Variants in GABRA5 observed in about 807,000 individuals in gnomAD.
GABRA5 encodes the protein gamma-aminobutyric acid type A receptor subunit alpha5, also known as gamma-aminobutyric acid receptor subunit alpha-5.
Under a neutral mutation model 47.3 loss-of-function variants are expected in GABRA5, and 18 were observed. That is an observed-to-expected ratio of 0.38 (90% CI 0.26 to 0.56). The LOEUF (loss-of-function observed/expected upper bound fraction) is 0.56, where lower values mean the gene tolerates loss of function less well. Ranked by LOEUF, GABRA5 falls within the 20% of genes least tolerant of loss-of-function variation. The pLI, the probability that GABRA5 is intolerant of heterozygous loss-of-function variation, is 0.71. For missense variants in GABRA5, 365 were observed against 599.3 expected, an observed-to-expected ratio of 0.61 and a Z score of 4.08; for synonymous variants, 237 against 229.3, an observed-to-expected ratio of 1.03 and a Z score of -0.30.
intron 6 of GABRA5, among the ~76,000 whole-genome samples, chr15:26,890,358 A>T (rs189783850): frequency 1.1e-4 from 17 of 151,746 alleles, no homozygotes; most frequent in African/African-American, 3.9e-4. Flanking sequence ...GCTACATGAG[A>T]TCCAATTAGC....
At chr15:26,926,856 G>A (rs1028540053) in intron 7 of GABRA5, among the ~76,000 whole-genome samples, 4 of 152,100 alleles carry the variant, frequency 2.6e-5, no homozygotes, top group Admixed American at 6.6e-5. Flanking sequence ...GTAAGTTTTG[G>A]TAAAGAAAAC....
chr15:26,893,327 TTG>T (rs982539251), intron 6 of GABRA5, among the ~76,000 whole-genome samples: 8 of 4,916 alleles, frequency 1.6e-3, no homozygotes, highest in African/African-American at 7.3e-3. Flanking sequence ...ATATGGCGTG[TTG>T]TGTGTCTATG....
chr15:26,890,717 G>C (rs1031031768), intron 6 of GABRA5, among the ~76,000 whole-genome samples: 9 of 152,156 alleles, frequency 5.9e-5, no homozygotes, highest in Admixed American at 2.0e-4. Flanking sequence ...GGACATATAT[G>C]TCTCAATCAT....
intron 6 of GABRA5, among the ~76,000 whole-genome samples, chr15:26,913,565 A>G (rs1893649839): frequency 6.6e-6 from 1 of 152,236 alleles, no homozygotes; most frequent in African/African-American, 2.4e-5. Flanking sequence ...GGAATGAACA[A>G]TAGCACTACT....
At chr15:26,877,946 T>C (rs542210487) in intron 3 of GABRA5, among the ~76,000 whole-genome samples, 3 of 152,340 alleles carry the variant, frequency 2.0e-5, no homozygotes, top group African/African-American at 7.2e-5. Flanking sequence ...AGCCTTTATT[T>C]GTCCTTGAAG....
At chr15:26,944,214 C>T (rs1894457444) in intron 10 of GABRA5, among the ~76,000 whole-genome samples, 5 of 152,208 alleles carry the variant, frequency 3.3e-5, no homozygotes, top group Non-Finnish European at 2.9e-5. Flanking sequence ...TAAGTCCGAC[C>T]TCCCAGCCAA....
chr15:26,921,125 G>A lies in GABRA5; in HGVS notation c.580+6240G>A, dbSNP rs1189053946. ...ATAATATCTTTTGTTTTGGTGCCAG[G>A]GTAATCCTGGCTTCATAAAGTGGGA... On this transcript the variant is annotated intron_variant, in intron 7 of 10. Coordinates refer to ENST00000335625, the MANE Select transcript of GABRA5 (RefSeq NM_000810.4). Among the ~76,000 whole-genome samples, 6 of 151,828 alleles carry A rather than the reference G, an allele frequency of 4.0e-5. No individual in the cohort carries two copies. In the East Asian group the frequency reaches 5.8e-4, roughly 15 times the overall value.
At chr15:26,915,979 C>T (rs35005626) in intron 7 of GABRA5, among the ~76,000 whole-genome samples, 74,712 of 152,000 alleles carry the variant, frequency 0.49, 19,305 homozygotes, top group African/African-American at 0.64. Flanking sequence ...ATATTTATAG[C>T]TTCTTGACAG....
intron 9 of GABRA5, among the ~76,000 whole-genome samples, chr15:26,940,281 C>A (rs1894353915): frequency 6.6e-6 from 1 of 152,166 alleles, no homozygotes; most frequent in Admixed American, 6.5e-5. Context: ...TAAGGAATAT[C>A]ACATGGTCTA....
At chr15:26,895,109 G>A (rs1478901166) in intron 6 of GABRA5, among the ~76,000 whole-genome samples, 1 of 151,574 alleles carries the variant, frequency 6.6e-6, no homozygotes, top group African/African-American at 2.4e-5. Context: ...CTCTACCCGG[G>A]GGCACAAGCC....
intron 6 of GABRA5, 40 bp from the exon 7 acceptor site, chr15:26,914,763 T>C: frequency 6.6e-7 from 1 of 1,504,360 alleles, no homozygotes. Flanking sequence ...ATGGCTAGAG[T>C]GAGAGAGTCG....
chr15:26,939,481 G>T (rs1894334240), intron 8 of GABRA5: 2 of 737,742 alleles, frequency 2.7e-6, no homozygotes, highest in Non-Finnish European at 4.9e-6. Context: ...CCTGCTGCTG[G>T]TGGGAGTGGT....
intron 6 of GABRA5, among the ~76,000 whole-genome samples, chr15:26,886,015 C>CTGTTGTTGT (rs79858293): frequency 1.3e-5 from 2 of 151,082 alleles, no homozygotes; most frequent in Non-Finnish European, 3.0e-5. Flanking sequence ...ATGCAGTTTG[C>CTGTTGTTGT]TGTTGTTGTT....
At chr15:26,908,958 T>C (rs1053021706) in intron 6 of GABRA5, among the ~76,000 whole-genome samples, 5 of 152,238 alleles carry the variant, frequency 3.3e-5, no homozygotes. Context: ...TTTGGCACAA[T>C]AACTGCTGGT....
At chr15:26,893,322 G>A (rs1209665962) in intron 6 of GABRA5, among the ~76,000 whole-genome samples, 1 of 36,912 alleles carries the variant, frequency 2.7e-5, no homozygotes, top group Non-Finnish European at 6.1e-5. Context: ...TGTGTATATG[G>A]CGTGTTGTGT....
chr15:26,939,453 G>C (rs777695935), intron 8 of GABRA5: 1 of 759,878 alleles, frequency 1.3e-6, no homozygotes, highest in South Asian at 1.4e-5. Flanking sequence ...CTGCACCTGC[G>C]ACACAGCCAG....
intron 3 of GABRA5, among the ~76,000 whole-genome samples, chr15:26,872,323 T>A (rs1835547204): frequency 6.6e-6 from 1 of 152,192 alleles, no homozygotes; most frequent in Non-Finnish European, 1.5e-5. Context: ...CGTTAGCCCA[T>A]CTTCTAGCTG....
At position 26,948,904 on chromosome 15, in the gene GABRA5, G is replaced by A. The variant is rs1049490551; in HGVS notation, c.*671G>A. The A allele has an allele frequency of 1.3e-5, 2 of 152,128 alleles. No homozygotes were observed. Among genetic ancestry groups the A allele is most frequent in the Admixed American group, 1.3e-4 (2 of 15,270 alleles). 9.4% of individuals were successfully genotyped at this position (152,128 alleles called of 1,614,324 possible). ...TGCTTAAATTTTTTGGGAAGAAAAA[G>A]AAACATTTCTTACCCCACACCACCC... On this transcript the variant is annotated 3_prime_UTR_variant, in exon 11 of 11. Coordinates refer to ENST00000335625, the MANE Select transcript of GABRA5 (RefSeq NM_000810.4).
chr15:26,881,493 A>G (rs372268655), intron 4 of GABRA5, among the ~76,000 whole-genome samples: 7 of 152,340 alleles, frequency 4.6e-5, no homozygotes, highest in Admixed American at 3.9e-4. Context: ...GTGGAATTCA[A>G]TAAAAATGAA....
Sources: gnomAD v4.1 joint callset for allele counts (sites outside exome capture counted in the v4.1 genomes callset) on GRCh38, gnomAD v4.1.1 for gene constraint, MANE v1.5 for transcripts, NCBI Gene and HGNC (gene_info 2026-07-23, HGNC 2026-07-21) for gene names.